Variants in XKR6 observed in about 807,000 individuals in gnomAD.
XKR6 encodes XK related 6.
In XKR6, 22 loss-of-function variants were observed where a neutral mutation model predicts 56.7. That is an observed-to-expected ratio of 0.39 (90% CI 0.28 to 0.55). XKR6 has a LOEUF of 0.55. XKR6 is among the 20% of genes least tolerant of loss of function. The probability of loss-of-function intolerance (pLI) is 0.66; values close to 1 mark genes in which losing one functional copy is unlikely to be tolerated. For missense variants in XKR6, 852 were observed against 889.0 expected, an observed-to-expected ratio of 0.96 and a Z score of 0.53; for synonymous variants, 524 against 387.8, an observed-to-expected ratio of 1.35 and a Z score of -4.13.
rs1188593807 is a variant in XKR6, at chr8:10,912,591, T to A, written c.961+12043A>T. Among the ~76,000 whole-genome samples the A allele has an allele frequency of 2.1e-5, 3 of 143,280 alleles. No individual in the cohort carries two copies. In the East Asian group the frequency reaches 6.4e-4, roughly 31 times the overall value. The allele number at this position is 143,280 out of a possible 152,430, so 94.0% of individuals were successfully genotyped here. A position where few individuals can be genotyped will look rare whatever the true frequency, so the allele number is the denominator to read the frequency against. Reference sequence around the variant, plus strand: ...ATATATATGTGTGTGTGCATATATATATGTAGAGAGAGAGAAAGAGGGTGT... The same window carrying A: ...ATATATATGTGTGTGTGCATATATAAATGTAGAGAGAGAGAAAGAGGGTGT... On this transcript the variant is annotated intron_variant, in intron 2 of 2. Transcript: ENST00000416569.
chr8:10,907,154 G>T (rs1463957345), intron 2 of XKR6, among the ~76,000 whole-genome samples: 1 of 152,164 alleles, frequency 6.6e-6, no homozygotes, highest in East Asian at 1.9e-4. Context: ...GAGGAGATCA[G>T]GAAAAACCCA....
At chr8:10,969,119 C>A (rs1159788095) in intron 1 of XKR6, among the ~76,000 whole-genome samples, 1 of 152,196 alleles carries the variant, frequency 6.6e-6, no homozygotes, top group African/African-American at 2.4e-5. Context: ...AAAACCGCCC[C>A]TAGAAATTCT....
intron 1 of XKR6, among the ~76,000 whole-genome samples, chr8:11,196,512 T>C (rs1040603000): frequency 2.6e-5 from 4 of 152,130 alleles, no homozygotes; most frequent in African/African-American, 9.7e-5. Flanking sequence ...ACACCTGAGG[T>C]ACTTTTAGAC....
At chr8:11,035,136 G>A (rs567621841) in intron 1 of XKR6, 20 of 521,478 alleles carry the variant, frequency 3.8e-5, no homozygotes, top group Middle Eastern at 3.2e-4. Flanking sequence ...CCATGAGGTC[G>A]AAAGACAAAC....
intron 1 of XKR6, among the ~76,000 whole-genome samples, chr8:11,060,265 G>T (rs1799796245): frequency 6.6e-6 from 1 of 152,170 alleles, no homozygotes; most frequent in Admixed American, 6.5e-5. Context: ...GACAGCTAGT[G>T]TGGGGAGGAG....
chr8:10,910,970 C>T (rs547256791), intron 2 of XKR6, among the ~76,000 whole-genome samples: 1 of 152,112 alleles, frequency 6.6e-6, no homozygotes, highest in Non-Finnish European at 1.5e-5. Context: ...CATTGAGGAG[C>T]AACAGCCCAC....
At chr8:11,197,224 C>T (rs529534644) in intron 1 of XKR6, among the ~76,000 whole-genome samples, 21 of 152,276 alleles carry the variant, frequency 1.4e-4, no homozygotes, top group Non-Finnish European at 2.9e-4. Flanking sequence ...TAGAAGGGTG[C>T]AAACACACAC....
intron 1 of XKR6, among the ~76,000 whole-genome samples, chr8:10,980,269 G>A (rs1009918117): frequency 1.5e-4 from 23 of 152,182 alleles, no homozygotes; most frequent in African/African-American, 3.4e-4. Flanking sequence ...TGCAGCTTGC[G>A]GGGCTGCAGG....
chr8:10,920,598 A>G (rs1800681054), intron 2 of XKR6, among the ~76,000 whole-genome samples: 1 of 152,234 alleles, frequency 6.6e-6, no homozygotes, highest in Admixed American at 6.5e-5. Context: ...ATTTTCTTTA[A>G]GGCTTGTACA....
chr8:10,972,952 G>A (rs1802451250), intron 1 of XKR6, among the ~76,000 whole-genome samples: 1 of 152,184 alleles, frequency 6.6e-6, no homozygotes, highest in African/African-American at 2.4e-5. Flanking sequence ...GGGAAAGCCT[G>A]GCCTGCCTCT....
At chr8:11,111,390 C>T (rs1208166463) in intron 1 of XKR6, among the ~76,000 whole-genome samples, 1 of 152,114 alleles carries the variant, frequency 6.6e-6, no homozygotes, top group African/African-American at 2.4e-5. Context: ...AGCACTGTGC[C>T]ACAAGTATAT....
At chr8:11,083,069 G>C (rs369108859) in intron 1 of XKR6, among the ~76,000 whole-genome samples, 6 of 152,248 alleles carry the variant, frequency 3.9e-5, no homozygotes, top group African/African-American at 1.2e-4. Flanking sequence ...CTGATCCTGT[G>C]AGTCTCCTCT....
chr8:11,167,270 C>T (rs1802125979), intron 1 of XKR6, among the ~76,000 whole-genome samples: 1 of 152,212 alleles, frequency 6.6e-6, no homozygotes, highest in Non-Finnish European at 1.5e-5. Context: ...GATAGGAAAG[C>T]TTTACGGCAT....
chr8:10,972,588 T>C (rs184555113), intron 1 of XKR6, among the ~76,000 whole-genome samples: 1 of 152,254 alleles, frequency 6.6e-6, no homozygotes, highest in African/African-American at 2.4e-5. Flanking sequence ...GAGGGCATCA[T>C]GCTGAGTGAA....
intron 1 of XKR6, among the ~76,000 whole-genome samples, chr8:11,039,496 C>T (rs1393820895): frequency 5.3e-5 from 8 of 152,244 alleles, no homozygotes; most frequent in Non-Finnish European, 1.2e-4. Context: ...CTTCTGTGTG[C>T]CTTTTCTCTT....
At chr8:10,910,347 T>C (rs994337920) in intron 2 of XKR6, among the ~76,000 whole-genome samples, 2 of 152,122 alleles carry the variant, frequency 1.3e-5, no homozygotes, top group East Asian at 3.9e-4. Context: ...TTCCAAAGAA[T>C]TCCCCCTGAG....
intron 1 of XKR6, among the ~76,000 whole-genome samples, chr8:11,016,956 A>G (rs1798639300): frequency 6.6e-6 from 1 of 152,190 alleles, no homozygotes; most frequent in Non-Finnish European, 1.5e-5. Flanking sequence ...TAGATTAGAG[A>G]GATTAGATAG....
chr8:11,103,636 T>C (rs1352978403), intron 1 of XKR6, among the ~76,000 whole-genome samples: 1 of 152,088 alleles, frequency 6.6e-6, no homozygotes, highest in African/African-American at 2.4e-5. Context: ...AAATCCTAAT[T>C]CCTAAGGGAG....
rs541528420 is a variant in XKR6 at position 11,062,104 on chromosome 8, T to C, written c.765-137274A>G. Among the ~76,000 whole-genome samples, 144 of 152,168 alleles carry C rather than the reference T, an allele frequency of 9.5e-4. 1 individual carries two copies. Among genetic ancestry groups the C allele is most frequent in the Admixed American group, 5.2e-3 (79 of 15,304 alleles). ...CCAGGATGCTCAGAGAAACCAGACC[T>C]GACAGCAGACAGCAAATAATATCCC... On this transcript the variant is annotated intron_variant, in intron 1 of 2. Coordinates refer to ENST00000416569, the MANE Select transcript of XKR6 (RefSeq NM_173683.4).
Sources: gnomAD v4.1 joint callset for allele counts (sites outside exome capture counted in the v4.1 genomes callset) on GRCh38, gnomAD v4.1.1 for gene constraint, MANE v1.5 for transcripts, NCBI Gene and HGNC (gene_info 2026-07-23, HGNC 2026-07-21) for gene names.